Variants in HYDIN observed in about 807,000 individuals in gnomAD.
HYDIN encodes the protein axonemal central pair apparatus protein HYDIN.
Under a neutral mutation model 403.9 loss-of-function variants are expected in HYDIN, and 132 were observed. That is an observed-to-expected ratio of 0.33 (90% CI 0.28 to 0.38). The LOEUF is 0.38. HYDIN is among the 10% of genes least tolerant of loss of function. The probability of loss-of-function intolerance (pLI) is 1.00; values close to 1 mark genes in which losing one functional copy is unlikely to be tolerated. For missense variants in HYDIN, 2,827 were observed against 5,009.5 expected, an observed-to-expected ratio of 0.56 and a Z score of 13.15; for synonymous variants, 1,202 against 1,891.7, an observed-to-expected ratio of 0.64 and a Z score of 9.46.
chr16:71,198,123 T>C (rs1417441152), intron 1 of HYDIN, among the ~76,000 whole-genome samples: 1 of 152,234 alleles, frequency 6.6e-6, no homozygotes, highest in Non-Finnish European at 1.5e-5. Flanking sequence ...TCTAGATGAA[T>C]GGAATCACAT....
chr16:71,192,572 C>A (rs2087488064), intron 1 of HYDIN, among the ~76,000 whole-genome samples: 1 of 152,156 alleles, frequency 6.6e-6, no homozygotes, highest in African/African-American at 2.4e-5. Context: ...CCAGGAATGC[C>A]TTTCTTGCTC....
At chr16:70,888,761 T>C (rs2041300269) in intron 58 of HYDIN, among the ~76,000 whole-genome samples, 1 of 152,120 alleles carries the variant, frequency 6.6e-6, no homozygotes, top group Non-Finnish European at 1.5e-5. Context: ...GTGGGGCACC[T>C]CATGACAGCT....
chr16:70,979,860 G>T (rs1053018530), intron 29 of HYDIN, among the ~76,000 whole-genome samples: 1 of 152,170 alleles, frequency 6.6e-6, no homozygotes, highest in Non-Finnish European at 1.5e-5. Context: ...GGAGGTGGAG[G>T]TTGCAGGGAG....
chr16:71,183,318 A>T (rs1223272888), intron 3 of HYDIN, among the ~76,000 whole-genome samples: 1 of 152,180 alleles, frequency 6.6e-6, no homozygotes, highest in Non-Finnish European at 1.5e-5. Context: ...TTAAAAATGA[A>T]TGAGAGAGGA....
intron 41 of HYDIN, among the ~76,000 whole-genome samples, chr16:70,948,571 T>C (rs1434787192): frequency 6.6e-6 from 1 of 152,020 alleles, no homozygotes; most frequent in Non-Finnish European, 1.5e-5. Flanking sequence ...GACAAAGGGC[T>C]AATATTCAGA....
chr16:71,213,999 GATA>G (rs1421287062), intron 1 of HYDIN, among the ~76,000 whole-genome samples: 1 of 151,954 alleles, frequency 6.6e-6, no homozygotes, highest in African/African-American at 2.4e-5. Flanking sequence ...ATTGTTAGCA[GATA>G]ATATGAATAT....
At chr16:71,174,824 C>A (rs149804309) in intron 5 of HYDIN, among the ~76,000 whole-genome samples, 3 of 152,282 alleles carry the variant, frequency 2.0e-5, no homozygotes, top group Middle Eastern at 3.4e-3. Context: ...TGGGGGTGAG[C>A]AGGCCAGGCA....
intron 1 of HYDIN, among the ~76,000 whole-genome samples, chr16:71,204,541 G>A (rs1236626217): frequency 6.6e-6 from 1 of 152,176 alleles, no homozygotes; most frequent in Non-Finnish European, 1.5e-5. Context: ...GTTAAATGCT[G>A]CATGTCTACC....
chr16:71,189,802 T>C (rs1169503108), intron 1 of HYDIN, among the ~76,000 whole-genome samples: 2 of 150,924 alleles, frequency 1.3e-5, no homozygotes, highest in African/African-American at 4.9e-5. Flanking sequence ...ATATTTTGAC[T>C]GTATTCTCAA....
chr16:70,815,490 GA>G (rs1364363418), intron 84 of HYDIN, among the ~76,000 whole-genome samples: 2 of 150,926 alleles, frequency 1.3e-5, no homozygotes, highest in African/African-American at 2.4e-5. Flanking sequence ...TAAGGTCACA[GA>G]AAGGTTGAAA....
chr16:71,182,650 T>A (rs1201201999), intron 3 of HYDIN, among the ~76,000 whole-genome samples: 1 of 152,138 alleles, frequency 6.6e-6, no homozygotes, highest in Non-Finnish European at 1.5e-5. Context: ...CTTAAATATA[T>A]TAAGTTTGAG....
intron 8 of HYDIN, among the ~76,000 whole-genome samples, chr16:71,134,814 T>C (rs907354407): frequency 3.3e-5 from 5 of 152,184 alleles, no homozygotes; most frequent in African/African-American, 1.2e-4. Flanking sequence ...TGCTTTCTTA[T>C]TATTATGCTT....
intron 45 of HYDIN, among the ~76,000 whole-genome samples, chr16:70,921,447 G>A (rs558914183): frequency 1.3e-5 from 2 of 152,316 alleles, no homozygotes; most frequent in South Asian, 4.1e-4. Flanking sequence ...TCCTGGCATT[G>A]TGCATTTTGG....
chr16:71,169,899 T>G (rs951846581), intron 5 of HYDIN, among the ~76,000 whole-genome samples: 1 of 152,232 alleles, frequency 6.6e-6, no homozygotes, highest in African/African-American at 2.4e-5. Context: ...CATTCCAATG[T>G]GTATATATAT....
intron 1 of HYDIN, 138 bp from the exon 2 acceptor site, chr16:71,187,056 A>G (rs1597981594): frequency 3.5e-6 from 2 of 574,654 alleles, no homozygotes; most frequent in East Asian, 5.6e-5. Flanking sequence ...TGGAACAAAT[A>G]TCTCAACAAA....
At position 70,804,551 on chromosome 16, in the gene HYDIN, G is replaced by C. The variant is rs541531255; in HGVS notation, c.*3029C>G. Among the ~76,000 whole-genome samples the C allele has an allele frequency of 6.6e-6, 1 of 152,220 alleles. No individual in the cohort carries two copies. The highest frequency in any genetic ancestry group is 1.5e-5 in the Non-Finnish European group (1 of 68,038). ...GCATTCTTTGGTGAATCAGCTTCTC[G>C]TGAGGTCCTTCAGATCAGCTGATGT... On this transcript the variant is annotated 3_prime_UTR_variant, in exon 86 of 86. Transcript: ENST00000393567.
At position 70,920,747 on chromosome 16, in the gene HYDIN, C is replaced by T. The variant is rs756606936; in HGVS notation, c.7629G>A (p.Glu2543=). 6.4e-7 allele frequency: 1 copy of T among 1,570,510 alleles called. No individual in the cohort carries two copies. Among genetic ancestry groups the T allele is most frequent in the South Asian group, 1.2e-5 (1 of 86,068 alleles). The change falls in exon 46 of 86, where the codon GAG becomes GAA. Residue 2543 remains glutamate (E), a synonymous_variant. Transcript: ENST00000393567. ...CTTCCCCCTCCCAGTCGCTCCGCTC[C>T]TCCAGGGCTCGCAGCTTCTCCAGGC... is the stretch of plus-strand genomic sequence containing the variant. ...RERLEKLRAL[E]ERSDWEGEGE... is the part of the protein sequence containing the mutation.
chr16:70,849,321 T>C lies in HYDIN; in HGVS notation c.12873+405A>G, dbSNP rs536614254. On this transcript the variant is annotated intron_variant, in intron 75 of 85. Transcript: ENST00000393567. The stretch of plus-strand genomic sequence containing the variant: ...ATTAATTTTCAGAGTTCTGAAAAAG[T>C]TGATTTCGAAAATTTTTTCCAGTGG... Among the ~76,000 whole-genome samples the C allele has an allele frequency of 8.6e-5, 13 of 152,044 alleles. No individual in the cohort carries two copies. In the East Asian group the frequency reaches 1.9e-3, roughly 23 times the overall value.
Position 70,872,189 on chromosome 16 carries a change from A to G in HYDIN, c.10949-10T>C, listed in dbSNP as rs374986596. 2,182 of 1,334,598 alleles carry G rather than the reference A, an allele frequency of 1.6e-3. 12 individuals are homozygous for G. Among genetic ancestry groups the G allele is most frequent in the Middle Eastern group, 4.9e-3 (20 of 4,106 alleles). The allele number at this position is 1,334,598 out of a possible 1,614,324, so 82.7% of individuals were successfully genotyped here. ...TGGTCCACCAGAGCAGCTAGGGATT[A>G]GAAGCAGAAGGCTGTGAGTCCTCCC... On this transcript the variant is annotated splice_polypyrimidine_tract_variant and intron_variant, in intron 64 of 85. Transcript: ENST00000393567.
Sources: allele counts gnomAD v4.1 joint callset (sites outside exome capture counted in the v4.1 genomes callset), GRCh38; gene constraint gnomAD v4.1.1; transcripts MANE v1.5; gene names NCBI Gene and HGNC (gene_info 2026-07-23, HGNC 2026-07-21).